XPR1: variants seen among roughly 807,000 people sequenced by gnomAD.
The protein encoded by XPR1 is xenotropic and polytropic retrovirus receptor 1, also known as solute carrier family 53 member 1.
A neutral mutation model predicts 87.5 loss-of-function variants in XPR1; 28 were observed. The ratio of observed to expected loss-of-function variants is 0.32; its 90% CI spans 0.24 to 0.44. The LOEUF (loss-of-function observed/expected upper bound fraction) is 0.44, where lower values mean the gene tolerates loss of function less well. Among genes scored for constraint, XPR1 ranks in the 20% least tolerant of loss-of-function variants. XPR1 has a pLI of 1.00. For synonymous variants in XPR1, 300 were observed against 306.1 expected (o/e 0.98, Z 0.21); for missense variants, 559 against 862.3 (o/e 0.65, Z 4.41).
intron 2 of XPR1, among the ~76,000 whole-genome samples, chr1:180,733,820 GA>G (rs1658636802): frequency 6.6e-6 from 1 of 152,120 alleles, no homozygotes; most frequent in Non-Finnish European, 1.5e-5. Flanking sequence ...ACTGAATTAA[GA>G]AAACCAGAAA....
At chr1:180,793,331 G>A (rs1649455151) in intron 3 of XPR1, among the ~76,000 whole-genome samples, 1 of 152,028 alleles carries the variant, frequency 6.6e-6, no homozygotes, top group Non-Finnish European at 1.5e-5. Flanking sequence ...TTATACAAGA[G>A]GAATTTGAGG....
chr1:180,838,116 G>A (rs1250688129), intron 11 of XPR1, among the ~76,000 whole-genome samples: 1 of 152,138 alleles, frequency 6.6e-6, no homozygotes, highest in East Asian at 1.9e-4. Context: ...TACTGATAAA[G>A]TAAATGGTCT....
chr1:180,649,269 C>CA (rs59314765), intron 1 of XPR1, among the ~76,000 whole-genome samples: 12,671 of 140,574 alleles, frequency 0.09, 1,287 homozygotes, highest in African/African-American at 0.25. Context: ...ACTAAAAATA[C>CA]AAAAAAAAAA....
intron 13 of XPR1, among the ~76,000 whole-genome samples, chr1:180,879,428 A>G (rs1188738639): frequency 6.6e-6 from 1 of 151,842 alleles, no homozygotes; most frequent in Non-Finnish European, 1.5e-5. Context: ...GCCCTCTTCC[A>G]CCCCTCCATC....
At chr1:180,648,890 C>T (rs1483963935) in intron 1 of XPR1, among the ~76,000 whole-genome samples, 1 of 152,154 alleles carries the variant, frequency 6.6e-6, no homozygotes, top group Non-Finnish European at 1.5e-5. Flanking sequence ...TTCCTTTCAT[C>T]TCTGATAATT....
chr1:180,835,050 G>A lies in XPR1; in HGVS notation c.1306+5G>A, dbSNP rs775558624. On this transcript the variant is annotated splice_donor_5th_base_variant and intron_variant, in intron 10 of 14. Coordinates refer to ENST00000367590, the MANE Select transcript of XPR1 (RefSeq NM_004736.4). ...TGTTGCCAAATAATTCAGAAGGTAG[G>A]GTATGAATTTGCATCTATACTACTA... 21 of 1,612,758 alleles carry A rather than the reference G, an allele frequency of 1.3e-5. No homozygotes were observed. The highest frequency in any genetic ancestry group is 1.7e-5 in the Non-Finnish European group (20 of 1,179,414).
intron 1 of XPR1, among the ~76,000 whole-genome samples, chr1:180,680,209 CA>C (rs1054730196): frequency 6.6e-6 from 1 of 150,426 alleles, no homozygotes; most frequent in African/African-American, 2.5e-5. Context: ...ATCAAAACGA[CA>C]AAAAACAAAA....
At chr1:180,659,096 C>G (rs1557943102) in intron 1 of XPR1, among the ~76,000 whole-genome samples, 1 of 144,912 alleles carries the variant, frequency 6.9e-6, no homozygotes, top group Non-Finnish European at 1.5e-5. Context: ...TCCTTCCTCC[C>G]TCCCTCCCTC....
chr1:180,858,525 G>T (rs1020922078), intron 11 of XPR1, among the ~76,000 whole-genome samples: 9 of 152,308 alleles, frequency 5.9e-5, no homozygotes, highest in Admixed American at 3.9e-4. Context: ...GAGAAGCAAT[G>T]CTGTCTAGTA....
At chr1:180,743,669 G>T (rs1243097411) in intron 2 of XPR1, among the ~76,000 whole-genome samples, 1 of 151,978 alleles carries the variant, frequency 6.6e-6, no homozygotes, top group Non-Finnish European at 1.5e-5. Context: ...AATTTTTTTA[G>T]AGTAGTCTAC....
intron 2 of XPR1, among the ~76,000 whole-genome samples, chr1:180,743,730 C>T (rs1413814487): frequency 6.6e-6 from 1 of 152,112 alleles, no homozygotes; most frequent in Non-Finnish European, 1.5e-5. Flanking sequence ...CTTTATTTCA[C>T]CTTCATTCCT....
At chr1:180,838,575 A>G (rs1651388374) in intron 11 of XPR1, among the ~76,000 whole-genome samples, 1 of 152,220 alleles carries the variant, frequency 6.6e-6, no homozygotes, top group Non-Finnish European at 1.5e-5. Context: ...TTACTGACAT[A>G]CTTCTTGAAA....
chr1:180,865,254 T>C (rs1652349289), intron 12 of XPR1, among the ~76,000 whole-genome samples: 1 of 152,156 alleles, frequency 6.6e-6, no homozygotes, highest in Non-Finnish European at 1.5e-5. Context: ...ATTAGACATA[T>C]TTTTATAAAT....
chr1:180,696,108 G>C (rs1337880436), intron 2 of XPR1, among the ~76,000 whole-genome samples: 1 of 148,796 alleles, frequency 6.7e-6, no homozygotes, highest in Non-Finnish European at 1.5e-5. Flanking sequence ...TCTTTCATTG[G>C]TGTTTTGTAG....
rs1653106124 is a variant in XPR1, at chr1:180,889,116, TGA to T, written c.*5054_*5055del. ...GGTGGAAGAGGAAGTGAGAACAAGA[TGA>T]GAGTTTCCCTTAAAGTGAGGAGAAT... On this transcript the variant is annotated 3_prime_UTR_variant, in exon 15 of 15. Coordinates refer to ENST00000367590, the MANE Select transcript of XPR1 (RefSeq NM_004736.4). 6.6e-6 allele frequency: 1 copy of T among 152,158 alleles called. No individual in the cohort carries two copies. Among genetic ancestry groups the T allele is most frequent in the Non-Finnish European group, 1.5e-5 (1 of 68,016 alleles). The allele number at this position is 152,158 out of a possible 1,614,324, so 9.4% of individuals were successfully genotyped here.
At chr1:180,861,913 G>A (rs572186487) in intron 11 of XPR1, among the ~76,000 whole-genome samples, 14 of 152,016 alleles carry the variant, frequency 9.2e-5, no homozygotes, top group Non-Finnish European at 2.1e-4. Flanking sequence ...CAGTAGCACA[G>A]CATTATACAG....
Position 180,684,662 on chromosome 1 carries a change from A to C in XPR1, c.121+2251A>C, listed in dbSNP as rs546474357. ...ATTTTTTTGTATCCTCTTTTATTTG[A>C]TTGAGCAGTGGTTTGTAGTTCTCCC... is the stretch of plus-strand genomic sequence containing the variant. On this transcript the variant is annotated intron_variant, in intron 2 of 14. Transcript: ENST00000367590. 3.2e-3 allele frequency among the ~76,000 whole-genome samples: 491 copies of C among 151,830 alleles called. 8 individuals are homozygous for C. The highest frequency in any genetic ancestry group is 0.031 in the East Asian group (157 of 5,094).
chr1:180,809,882 A>G (rs529471357), intron 6 of XPR1, among the ~76,000 whole-genome samples: 1 of 152,328 alleles, frequency 6.6e-6, no homozygotes, highest in East Asian at 1.9e-4. Context: ...AAGACAAATG[A>G]CCATCTTTTG....
At chr1:180,820,752 T>C (rs1650598575) in intron 7 of XPR1, among the ~76,000 whole-genome samples, 1 of 152,250 alleles carries the variant, frequency 6.6e-6, no homozygotes, top group Admixed American at 6.5e-5. Context: ...TTCTTCATTA[T>C]ATCCATACAA....
Sources: allele counts gnomAD v4.1 joint callset (sites outside exome capture counted in the v4.1 genomes callset), GRCh38; gene constraint gnomAD v4.1.1; transcripts MANE v1.5; gene names NCBI Gene and HGNC (gene_info 2026-07-23, HGNC 2026-07-21).